The following VMA12 variants were observed in gnomAD, a reference collection of about 807,000 sequenced individuals.
VMA12 encodes the protein vacuolar ATPase assembly factor VMA12.
the VMA12 span, chr17:28,359,609 A>T: frequency 6.7e-6 from 3 of 444,744 alleles, no homozygotes; most frequent in African/African-American, 6.5e-5. Context: ...TTTAAACGTC[A>T]TAGAAGTGGG....
chr17:28,359,636 C>CG, the VMA12 span: 353,962 of 353,990 alleles, frequency 1, 176,967 homozygotes, highest in South Asian at 1. Context: ...CCGGGCACGG[C>CG]GCTCATGCCT....
At chr17:28,357,689 G>A in the VMA12 span, 15 of 1,612,590 alleles carry the variant, frequency 9.3e-6, no homozygotes, top group Admixed American at 2.2e-4. Flanking sequence ...CTCTTTGCTT[G>A]CGGGCGAGCG....
At chr17:28,363,647 T>A in the VMA12 span, 1 of 152,252 alleles carries the variant, frequency 6.6e-6, no homozygotes, top group African/African-American at 2.4e-5. Context: ...GGGCATCCAA[T>A]CTGATCTTTG....
the VMA12 span, among the ~76,000 whole-genome samples, chr17:28,358,749 C>A: frequency 6.6e-6 from 1 of 152,198 alleles, no homozygotes; most frequent in African/African-American, 2.4e-5. Context: ...GAGATACCTA[C>A]ATGGAATTAT....
At chr17:28,363,495 A>G in the VMA12 span, 127 of 152,328 alleles carry the variant, frequency 8.3e-4, 1 homozygote, top group African/African-American at 3.0e-3. Flanking sequence ...TGCAGAGCAC[A>G]ACAATCCAGA....
chr17:28,359,079 G>C, the VMA12 span: 1 of 1,301,534 alleles, frequency 7.7e-7, no homozygotes, highest in Non-Finnish European at 1.1e-6. Flanking sequence ...TTTTAGGCTT[G>C]AAAAATTGTT....
chr17:28,359,073 AG>A, the VMA12 span: 1 of 1,327,194 alleles, frequency 7.5e-7, no homozygotes, highest in South Asian at 1.4e-5. Context: ...ATCAACTTTT[AG>A]GCTTGAAAAA....
At chr17:28,360,615 T>C in the VMA12 span, 1 of 1,611,520 alleles carries the variant, frequency 6.2e-7, no homozygotes, top group African/African-American at 1.3e-5. Flanking sequence ...TTTCCTGAGA[T>C]GGGTCATGAC....
At chr17:28,360,679 G>GAGCACCTCCTAGAGAATGT in the VMA12 span, 1 of 1,604,640 alleles carries the variant, frequency 6.2e-7, no homozygotes, top group Non-Finnish European at 8.5e-7. Flanking sequence ...CATGAGATAA[G>GAGCACCTCCTAGAGAATGT]AGCACCTCCT....
the VMA12 span, among the ~76,000 whole-genome samples, chr17:28,359,838 G>C: frequency 6.6e-6 from 1 of 152,168 alleles, no homozygotes; most frequent in African/African-American, 2.4e-5. Flanking sequence ...CCAGGAGGCG[G>C]AGGCAGAGGC....
chr17:28,357,904 G>C, the VMA12 span: 1 of 1,612,696 alleles, frequency 6.2e-7, no homozygotes, highest in Non-Finnish European at 8.5e-7. Context: ...CTCCAGTCCG[G>C]GGTCCCCTCC....
At chr17:28,357,756 A>G in the VMA12 span, 2 of 1,613,392 alleles carry the variant, frequency 1.2e-6, no homozygotes, top group Non-Finnish European at 1.7e-6. Flanking sequence ...CTACCCCGAA[A>G]GCTGCGGGCC....
the VMA12 span, chr17:28,359,178 T>C: frequency 9.8e-7 from 1 of 1,025,278 alleles, no homozygotes; most frequent in Non-Finnish European, 1.4e-6. Flanking sequence ...AAAAACAGTT[T>C]CAAAGCACTG....
At chr17:28,363,554 G>T in the VMA12 span, 8 of 152,164 alleles carry the variant, frequency 5.3e-5, no homozygotes, top group African/African-American at 1.9e-4. Flanking sequence ...GGTATTACAG[G>T]TGATGGTGAT....
the VMA12 span, chr17:28,361,029 C>T: frequency 1.0e-5 from 10 of 981,720 alleles, no homozygotes; most frequent in South Asian, 1.0e-4. Context: ...GGAGAAGCCA[C>T]ATTCTCTTTT....
chr17:28,357,820 C>T, the VMA12 span: 8 of 1,613,948 alleles, frequency 5.0e-6, no homozygotes, highest in African/African-American at 9.3e-5. Flanking sequence ...GCTCCAGTGG[C>T]CCCCAACGCT....
the VMA12 span, chr17:28,358,016 G>A: frequency 3.2e-5 from 29 of 902,928 alleles, no homozygotes; most frequent in South Asian, 4.3e-4. Context: ...TAAATCCCAG[G>A]GCCACCCACT....
the VMA12 span, chr17:28,359,583 G>A: frequency 1.9e-6 from 1 of 536,394 alleles, no homozygotes; most frequent in Non-Finnish European, 3.2e-6. Flanking sequence ...ACTCTGGGCT[G>A]AGATGGTGAC....
the VMA12 span, chr17:28,360,804 G>C: frequency 3.1e-6 from 5 of 1,613,778 alleles, no homozygotes; most frequent in East Asian, 4.5e-5. Context: ...GCCTTCGTCT[G>C]CACTTACCTT....
Sources: gnomAD v4.1 joint callset for allele counts (sites outside exome capture counted in the v4.1 genomes callset) on GRCh38, gnomAD v4.1.1 for gene constraint, MANE v1.5 for transcripts, NCBI Gene and HGNC (gene_info 2026-07-23, HGNC 2026-07-21) for gene names.